The following MICU1 variants were observed in gnomAD, a reference collection of about 807,000 sequenced individuals.
The protein encoded by MICU1 is calcium uptake protein 1, mitochondrial.
MICU1 carries 45 observed loss-of-function variants against 56.8 expected under a neutral mutation model. That is an observed-to-expected ratio of 0.79 (90% CI 0.62 to 1.02). MICU1 has a LOEUF of 1.02. Among genes scored for constraint, MICU1 ranks in the 50% least tolerant of loss-of-function variants. The pLI, the probability that MICU1 is intolerant of heterozygous loss-of-function variation, is 0.00. For synonymous variants in MICU1, 186 were observed against 195.1 expected, an observed-to-expected ratio of 0.95 and a Z score of 0.39; for missense variants, 504 against 587.1, an observed-to-expected ratio of 0.86 and a Z score of 1.46.
chr10:72,505,856 G>A (rs1867230067), intron 6 of MICU1, among the ~76,000 whole-genome samples: 1 of 151,988 alleles, frequency 6.6e-6, no homozygotes, highest in Non-Finnish European at 1.5e-5. Flanking sequence ...CCTACCTATT[G>A]GGTACTATGC....
rs1862628197 is a variant in MICU1, at chr10:72,379,348, CT to C, written c.1181-3477del. ...GCGCTTAAACTGTGATTGCCTACAG[CT>C]TTACTCTTTGCTGCCACAGAAATGT... On this transcript the variant is annotated intron_variant, in intron 10 of 11. Transcript: ENST00000361114. 3.9e-5 allele frequency: 7 copies of C among 178,716 alleles called. No homozygotes were observed. In the South Asian group the frequency reaches 6.6e-4, roughly 17 times the overall value. 11.1% of individuals were successfully genotyped at this position (178,716 alleles called of 1,614,324 possible).
At chr10:72,518,995 T>A (rs1486180988) in intron 5 of MICU1, among the ~76,000 whole-genome samples, 2 of 152,236 alleles carry the variant, frequency 1.3e-5, no homozygotes, top group Admixed American at 1.3e-4. Flanking sequence ...TTGGATATTC[T>A]TAAAAGAGAT....
rs183592077 is a variant in MICU1, at chr10:72,411,096, G to T, written c.1072-3059C>A. ...GGCCCTCGAAGACATTATGCCAAGT[G>T]AAATAAACTAGCCACAAAAGGACAA... On this transcript the variant is annotated intron_variant, in intron 9 of 11. Coordinates refer to ENST00000361114, the MANE Select transcript of MICU1 (RefSeq NM_001195518.2). 1.4e-3 allele frequency among the ~76,000 whole-genome samples: 212 copies of T among 151,702 alleles called. 1 individual carries two copies. The highest frequency in any genetic ancestry group is 5.0e-3 in the African/African-American group (203 of 40,990).
intron 10 of MICU1, among the ~76,000 whole-genome samples, chr10:72,384,258 G>A (rs1025380246): frequency 7.9e-5 from 12 of 152,298 alleles, no homozygotes; most frequent in African/African-American, 2.9e-4. Flanking sequence ...GCCTCCCAAA[G>A]TGCTGGGATT....
At chr10:72,621,737 A>C (rs1842109790) in intron 1 of MICU1, among the ~76,000 whole-genome samples, 1 of 152,224 alleles carries the variant, frequency 6.6e-6, no homozygotes, top group South Asian at 2.1e-4. Context: ...ATAAAACCTG[A>C]ATATTCCAGA....
rs764285588 is a variant in MICU1, at chr10:72,477,296, C to A, written c.653-40G>T. 2.1e-6 allele frequency: 3 copies of A among 1,437,284 alleles called. No homozygotes were observed. The South Asian group carries it at 3.9e-5, about 19-fold the overall frequency. 89.0% of individuals were successfully genotyped at this position (1,437,284 alleles called of 1,614,324 possible). A position where few individuals can be genotyped will look rare whatever the true frequency, so the allele number is the denominator to read the frequency against. ...AAAAAAATATTTAGAAGGCATTGAC[C>A]AAAAATAAATCCCTTTTTAAAGAAA... On this transcript the variant is annotated intron_variant, in intron 6 of 11. Coordinates refer to ENST00000361114, the MANE Select transcript of MICU1 (RefSeq NM_001195518.2).
chr10:72,436,497 C>T (rs1024422936), intron 8 of MICU1, among the ~76,000 whole-genome samples: 12 of 152,132 alleles, frequency 7.9e-5, no homozygotes, highest in Admixed American at 3.9e-4. Context: ...AAAATCAGAG[C>T]GCATCTTCTC....
rs1157182346 is a variant in MICU1 at position 72,418,158 on chromosome 10, C to T, written c.1071+5076G>A. Among the ~76,000 whole-genome samples, 10 of 152,262 alleles carry T rather than the reference C, an allele frequency of 6.6e-5. No homozygotes were observed. In the South Asian group the frequency reaches 2.1e-3, roughly 32 times the overall value. Reference sequence around the variant, plus strand: ...ATTCAATTATCTCCACCTGTTCCCTCCCAGGACATATGGGGATTATGGGAA... The same window carrying T: ...ATTCAATTATCTCCACCTGTTCCCTTCCAGGACATATGGGGATTATGGGAA... On this transcript the variant is annotated intron_variant, in intron 9 of 11. Transcript: ENST00000361114.
chr10:72,624,120 T>C (rs563426545), intron 1 of MICU1, among the ~76,000 whole-genome samples: 1 of 151,986 alleles, frequency 6.6e-6, no homozygotes, highest in South Asian at 2.1e-4. Flanking sequence ...TCTGAAGGAG[T>C]TGGTCAGTTA....
At chr10:72,381,129 T>TA (rs761496096) in intron 10 of MICU1, among the ~76,000 whole-genome samples, 4 of 152,226 alleles carry the variant, frequency 2.6e-5, no homozygotes, top group Non-Finnish European at 5.9e-5. Context: ...TTAGGCAGCA[T>TA]GACCCAGTTA....
In MICU1 at chr10:72,609,300, G is replaced by C. The variant is rs138316721; in HGVS notation, c.-2+16710C>G. Among the ~76,000 whole-genome samples the C allele has an allele frequency of 4.1e-4, 63 of 152,306 alleles. No individual in the cohort carries two copies. The Middle Eastern group carries it at 0.01, about 25-fold the overall frequency. Reference sequence around the variant, plus strand: ...GTTCTGAAAATGAATAGTGGCAATAGCTGCATGACATGTTGAATGTACTTA... The same window carrying C: ...GTTCTGAAAATGAATAGTGGCAATACCTGCATGACATGTTGAATGTACTTA... On this transcript the variant is annotated intron_variant, in intron 1 of 11. Coordinates refer to ENST00000361114, the MANE Select transcript of MICU1 (RefSeq NM_001195518.2).
intron 5 of MICU1, among the ~76,000 whole-genome samples, chr10:72,511,630 T>G (rs1451396654): frequency 1.3e-5 from 2 of 152,146 alleles, no homozygotes; most frequent in Non-Finnish European, 1.5e-5. Context: ...CCACAATGGG[T>G]CATTATTGCA....
At chr10:72,584,509 T>C (rs1840991334) in intron 1 of MICU1, among the ~76,000 whole-genome samples, 1 of 152,192 alleles carries the variant, frequency 6.6e-6, no homozygotes, top group Admixed American at 6.5e-5. Context: ...AATTTGATTT[T>C]CAAGTCTCGG....
chr10:72,459,101 C>T (rs1865570447), intron 8 of MICU1, among the ~76,000 whole-genome samples: 1 of 152,184 alleles, frequency 6.6e-6, no homozygotes, highest in East Asian at 1.9e-4. Flanking sequence ...GAAGCCAAGG[C>T]AGGTGGATCT....
At chr10:72,369,690 G>T (rs1440243891) in intron 11 of MICU1, among the ~76,000 whole-genome samples, 4 of 146,454 alleles carry the variant, frequency 2.7e-5, no homozygotes, top group Non-Finnish European at 6.1e-5. Flanking sequence ...GAGAGCATCT[G>T]TTTTTTTTTT....
chr10:72,382,002 ACACATT>A (rs1480724424), intron 10 of MICU1, among the ~76,000 whole-genome samples: 2 of 148,522 alleles, frequency 1.3e-5, no homozygotes, highest in Middle Eastern at 3.2e-3. Flanking sequence ...ACACACACAC[ACACATT>A]AAGATGGAGA....
At chr10:72,368,739 C>T (rs1036975776) in intron 11 of MICU1, among the ~76,000 whole-genome samples, 1 of 152,132 alleles carries the variant, frequency 6.6e-6, no homozygotes, top group Non-Finnish European at 1.5e-5. Context: ...AAGAATCTCC[C>T]ACCCTGGCTG....
intron 8 of MICU1, among the ~76,000 whole-genome samples, chr10:72,468,264 T>G (rs1865852927): frequency 6.6e-6 from 1 of 151,602 alleles, no homozygotes; most frequent in South Asian, 2.1e-4. Flanking sequence ...CTGGAGTTGG[T>G]TGCTTCTTTC....
At chr10:72,516,927 T>C (rs1045640013) in intron 5 of MICU1, among the ~76,000 whole-genome samples, 3 of 152,208 alleles carry the variant, frequency 2.0e-5, no homozygotes, top group African/African-American at 7.2e-5. Context: ...AGGCATGCTC[T>C]TGTTAAAGAG....
Sources: allele counts gnomAD v4.1 joint callset (sites outside exome capture counted in the v4.1 genomes callset), GRCh38; gene constraint gnomAD v4.1.1; transcripts MANE v1.5; gene names NCBI Gene and HGNC (gene_info 2026-07-23, HGNC 2026-07-21).